KIRREL3: variants seen among roughly 807,000 people sequenced by gnomAD.
The protein encoded by KIRREL3 is kirre like nephrin family adhesion molecule 3.
In KIRREL3, 36 loss-of-function variants were observed where a neutral mutation model predicts 89.7. That is an observed-to-expected ratio of 0.40 (90% confidence interval 0.31 to 0.53). KIRREL3 has a LOEUF of 0.53. Among genes scored for constraint, KIRREL3 ranks in the 20% least tolerant of loss-of-function variants. The pLI is 0.49. For synonymous variants in KIRREL3, 445 were observed against 441.4 expected, an observed-to-expected ratio of 1.01 and a Z score of -0.10; for missense variants, 864 against 1,056.6, an observed-to-expected ratio of 0.82 and a Z score of 2.53.
intron 1 of KIRREL3, among the ~76,000 whole-genome samples, chr11:126,619,213 T>C (rs1248898081): frequency 6.6e-6 from 1 of 152,138 alleles, no homozygotes. Context: ...CTTCCAAAGA[T>C]CTGGGAGAAA....
In KIRREL3 at chr11:126,985,252, T is replaced by C. The variant is rs1348838747; in HGVS notation, c.55+15203A>G. 6.6e-6 allele frequency among the ~76,000 whole-genome samples: 1 copy of C among 152,168 alleles called. No individual in the cohort carries two copies. The highest frequency in any genetic ancestry group is 1.5e-5 in the Non-Finnish European group (1 of 68,030). ...AAAGGTAGGAGTTGTCCAGAATCCC[T>C]GACACATTATGCTCTTTTCCCATGT... is the stretch of plus-strand genomic sequence containing the variant. On this transcript the variant is annotated intron_variant, in intron 1 of 16. Transcript: ENST00000525144. The surrounding 1 kb of genome is among the most constrained non-coding windows in gnomAD (Gnocchi z 5.3).
At chr11:126,586,949 G>C (rs1351933555) in intron 1 of KIRREL3, among the ~76,000 whole-genome samples, 1 of 152,146 alleles carries the variant, frequency 6.6e-6, no homozygotes, top group Non-Finnish European at 1.5e-5. Flanking sequence ...CGAAGGCTTG[G>C]GATGGTGAAT....
intron 1 of KIRREL3, among the ~76,000 whole-genome samples, chr11:126,973,494 T>C (rs946740669): frequency 6.6e-6 from 1 of 152,290 alleles, no homozygotes; most frequent in Admixed American, 6.5e-5. Flanking sequence ...TAGGTCTAGA[T>C]CCATTTCTGT....
At chr11:126,915,562 G>A (rs1947005163) in intron 1 of KIRREL3, among the ~76,000 whole-genome samples, 1 of 152,122 alleles carries the variant, frequency 6.6e-6, no homozygotes, top group Non-Finnish European at 1.5e-5. Flanking sequence ...CCTCTCTGTA[G>A]AATCCAGTTT....
At position 126,443,541 on chromosome 11, in the gene KIRREL3, G is replaced by A. The variant is rs546854998; in HGVS notation, c.1252+1438C>T. On this transcript the variant is annotated intron_variant, in intron 10 of 16. Coordinates refer to ENST00000525144, the MANE Select transcript of KIRREL3 (RefSeq NM_032531.4). This position sits in a 1 kb window ranked among gnomAD's most constrained non-coding sequence, Gnocchi z 7.3. ...GTGGCTGTGAACGTGCTGGGGTCTG[G>A]GTAGACTCAGCCTCCCTTGGGGGCT... is the stretch of plus-strand genomic sequence containing the variant. 6.6e-6 allele frequency among the ~76,000 whole-genome samples: 1 copy of A among 152,130 alleles called. No individual in the cohort carries two copies. Among genetic ancestry groups the A allele is most frequent in the African/African-American group, 2.4e-5 (1 of 41,502 alleles).
At position 126,429,432 on chromosome 11, in the gene KIRREL3, C is replaced by G. The variant is rs772074108; in HGVS notation, c.1697-144G>C. ...GAACTCAGCAGCTTCACCAGCCCCC[C>G]ACCAATAGAACCTCCATATGGAGAT... On this transcript the variant is annotated intron_variant, in intron 14 of 16. Coordinates refer to ENST00000525144, the MANE Select transcript of KIRREL3 (RefSeq NM_032531.4). The surrounding 1 kb of genome is among the most constrained non-coding windows in gnomAD (Gnocchi z 5.2). 1.4e-5 allele frequency: 9 copies of G among 652,664 alleles called. No individual in the cohort carries two copies. Among genetic ancestry groups the G allele is most frequent in the Admixed American group, 1.1e-4 (5 of 46,272 alleles). 40.4% of individuals were successfully genotyped at this position (652,664 alleles called of 1,614,324 possible).
At chr11:126,823,814 C>G (rs1000799910) in intron 1 of KIRREL3, among the ~76,000 whole-genome samples, 2 of 152,158 alleles carry the variant, frequency 1.3e-5, no homozygotes, top group Admixed American at 1.3e-4. Flanking sequence ...GCTACAGTGC[C>G]CCAGGTGAAG....
intron 1 of KIRREL3, among the ~76,000 whole-genome samples, chr11:126,828,246 C>G (rs1040194992): frequency 6.6e-6 from 1 of 152,250 alleles, no homozygotes; most frequent in East Asian, 1.9e-4. Flanking sequence ...ACGCCCACCC[C>G]CTAGAGGGCA....
At chr11:126,735,921 T>C (rs75409964) in intron 1 of KIRREL3, among the ~76,000 whole-genome samples, 2,147 of 152,302 alleles carry the variant, frequency 0.014, 48 homozygotes, top group African/African-American at 0.045. Flanking sequence ...AACATCCCAG[T>C]ATTTCCAGGC....
In KIRREL3 at chr11:126,430,907, C is replaced by G. The variant is rs1369573431; in HGVS notation, c.1696+512G>C. On this transcript the variant is annotated intron_variant, in intron 14 of 16. Coordinates refer to ENST00000525144, the MANE Select transcript of KIRREL3 (RefSeq NM_032531.4). The surrounding 1 kb of genome is among the most constrained non-coding windows in gnomAD (Gnocchi z 6.6). ...GCAATTCTTCAAGCGTGCACAAACA[C>G]TAGAATTTTATTGGTAATCACTGAA... The G allele has an allele frequency of 2.2e-6, 2 of 928,296 alleles. No homozygotes were observed. Among genetic ancestry groups the G allele is most frequent in the African/African-American group, 1.8e-5 (1 of 56,290 alleles). 57.5% of individuals were successfully genotyped at this position (928,296 alleles called of 1,614,324 possible). A position where few individuals can be genotyped will look rare whatever the true frequency, so the allele number is the denominator to read the frequency against.
intron 1 of KIRREL3, among the ~76,000 whole-genome samples, chr11:126,777,530 C>A (rs917292785): frequency 6.6e-6 from 1 of 152,182 alleles, no homozygotes; most frequent in East Asian, 1.9e-4. Flanking sequence ...GCAGAGCTGA[C>A]TCCCAGCACA....
rs1314461819 is a variant in KIRREL3 at position 126,955,576 on chromosome 11, G to A, written c.55+44879C>T. On this transcript the variant is annotated intron_variant, in intron 1 of 16. Coordinates refer to ENST00000525144, the MANE Select transcript of KIRREL3 (RefSeq NM_032531.4). This position sits in a 1 kb window ranked among gnomAD's most constrained non-coding sequence, Gnocchi z 4.6. ...TGTTGGCCAGGGAGACTTCCTTGCT[G>A]CATTCTATCTCACTCCACCCCAATC... Among the ~76,000 whole-genome samples, 1 of 152,196 alleles carries A rather than the reference G, an allele frequency of 6.6e-6. No individual in the cohort carries two copies. The highest frequency in any genetic ancestry group is 2.4e-5 in the African/African-American group (1 of 41,452).
intron 1 of KIRREL3, among the ~76,000 whole-genome samples, chr11:126,660,199 A>G (rs1416142418): frequency 6.6e-6 from 1 of 152,160 alleles, no homozygotes; most frequent in African/African-American, 2.4e-5. Flanking sequence ...ATAGAGCTCC[A>G]TGCCCTTCTC....
Position 126,750,795 on chromosome 11 carries a change from A to G in KIRREL3, c.56-187883T>C, listed in dbSNP as rs1217562765. 6.6e-6 allele frequency among the ~76,000 whole-genome samples: 1 copy of G among 152,190 alleles called. No individual in the cohort carries two copies. The highest frequency in any genetic ancestry group is 1.5e-5 in the Non-Finnish European group (1 of 68,034). Reference sequence around the variant, plus strand: ...GTCCAAGCTAACAAATGGTAGTGCAAACGTTGGAACTCAGGTCCTCAGTGA... The same window carrying G: ...GTCCAAGCTAACAAATGGTAGTGCAGACGTTGGAACTCAGGTCCTCAGTGA... On this transcript the variant is annotated intron_variant, in intron 1 of 16. Coordinates refer to ENST00000525144, the MANE Select transcript of KIRREL3 (RefSeq NM_032531.4). This position sits in a 1 kb window ranked among gnomAD's most constrained non-coding sequence, Gnocchi z 4.2.
chr11:126,471,396 T>TA lies in KIRREL3; in HGVS notation c.591+1912dup, dbSNP rs1225887403. 4.0e-5 allele frequency among the ~76,000 whole-genome samples: 5 copies of TA among 125,492 alleles called. No homozygotes were observed. Among genetic ancestry groups the TA allele is most frequent in the African/African-American group, 5.6e-5 (2 of 35,944 alleles). 82.3% of individuals were successfully genotyped at this position (125,492 alleles called of 152,430 possible). ...AAAATAAATAAATAAATAAATAAAA[T>TA]AAATAAAAAATAAAAAAAGAAAGAA... is the stretch of plus-strand genomic sequence containing the variant. On this transcript the variant is annotated intron_variant, in intron 5 of 16. Coordinates refer to ENST00000525144, the MANE Select transcript of KIRREL3 (RefSeq NM_032531.4). This position sits in a 1 kb window ranked among gnomAD's most constrained non-coding sequence, Gnocchi z 5.4.
At chr11:126,650,749 A>G (rs1944876319) in intron 1 of KIRREL3, among the ~76,000 whole-genome samples, 1 of 152,150 alleles carries the variant, frequency 6.6e-6, no homozygotes, top group Non-Finnish European at 1.5e-5. Context: ...CCCTGTTGCC[A>G]AGTTCCAAAG....
chr11:126,671,547 A>G (rs531972001), intron 1 of KIRREL3, among the ~76,000 whole-genome samples: 1 of 152,352 alleles, frequency 6.6e-6, no homozygotes, highest in African/African-American at 2.4e-5. Flanking sequence ...AAACACTTGC[A>G]TCTAAAATAT....
intron 1 of KIRREL3, among the ~76,000 whole-genome samples, chr11:126,986,190 T>C (rs1949862046): frequency 6.6e-6 from 1 of 152,134 alleles, no homozygotes; most frequent in Non-Finnish European, 1.5e-5. Context: ...CATCAGCTCA[T>C]GCATTTGGTT....
intron 7 of KIRREL3, among the ~76,000 whole-genome samples, chr11:126,451,478 GTGTGTGCGCA>G (rs1010039587): frequency 2.0e-5 from 3 of 151,008 alleles, no homozygotes; most frequent in African/African-American, 7.3e-5. Context: ...ATGTGCATGT[GTGTGTGCGCA>G]TGTGTGTGCA....
Sources: allele counts gnomAD v4.1 joint callset (sites outside exome capture counted in the v4.1 genomes callset), GRCh38; gene constraint gnomAD v4.1.1; non-coding constraint Gnocchi (gnomAD v3.1); transcripts MANE v1.5; gene names NCBI Gene and HGNC (gene_info 2026-07-23, HGNC 2026-07-21).